Variants in PUDP observed in about 807,000 individuals in gnomAD.
PUDP encodes pseudouridine 5'-phosphatase.
In PUDP, 8 loss-of-function variants were observed where a neutral mutation model predicts 9.4. The ratio of observed to expected loss-of-function variants is 0.85; its 90% confidence interval spans 0.50 to 1.53. The LOEUF (loss-of-function observed/expected upper bound fraction) is 1.53, where lower values mean the gene tolerates loss of function less well. Ranked by LOEUF, PUDP falls within the 40% of genes most tolerant of loss-of-function variation. The pLI, the probability that PUDP is intolerant of heterozygous loss-of-function variation, is 0.00. For missense variants in PUDP, 188 were observed against 189.7 expected, an observed-to-expected ratio of 0.99 and a Z score of 0.05; for synonymous variants, 99 against 80.7, an observed-to-expected ratio of 1.23 and a Z score of -1.22.
chrX:6,991,743 AT>A (rs1929181874), intron 1 of PUDP, among the ~76,000 whole-genome samples: 1 of 110,178 alleles, frequency 9.1e-6, no homozygotes, highest in Non-Finnish European at 1.9e-5. Context: ...AAGTCCCATT[AT>A]TTTCCCCATT....
At chrX:6,720,244 A>ATG (rs755475547) in intron 1 of PUDP, among the ~76,000 whole-genome samples, 909 of 63,564 alleles carry the variant, frequency 0.014, 13 homozygotes, top group South Asian at 0.039. Context: ...GTATATATGT[A>ATG]TGTGTGTGTG....
intron 1 of PUDP, among the ~76,000 whole-genome samples, chrX:6,713,663 G>T: frequency 9.0e-6 from 1 of 111,053 alleles, no homozygotes; most frequent in South Asian, 3.8e-4. Context: ...TATCTCCCAG[G>T]AGAGGCCACA....
At chrX:6,832,010 C>T (rs1926511319) in intron 3 of PUDP, among the ~76,000 whole-genome samples, 1 of 111,761 alleles carries the variant, frequency 8.9e-6, no homozygotes, top group Admixed American at 9.5e-5. Context: ...CAGACAAAGA[C>T]TCTCAAAATG....
chrX:6,904,552 C>A (rs1927740204), intron 3 of PUDP, among the ~76,000 whole-genome samples: 1 of 111,268 alleles, frequency 9.0e-6, no homozygotes, highest in Non-Finnish European at 1.9e-5. Flanking sequence ...CTGTCTCCAC[C>A]ACCAGGCTCA....
At chrX:6,836,331 T>G (rs1220944622) in intron 3 of PUDP, among the ~76,000 whole-genome samples, 1 of 111,988 alleles carries the variant, frequency 8.9e-6, no homozygotes, top group Non-Finnish European at 1.9e-5. Flanking sequence ...CAATTTATCA[T>G]GTCATAGTTC....
rs764416464 is a variant in PUDP, at chrX:7,127,084, A to G, written c.61+20969T>C. On this transcript the variant is annotated intron_variant, in intron 1 of 3. Transcript: ENST00000381077. ...GTGTACCTCTGGTACCCAAAGTAGC[A>G]AAGTGGGAATTATATTGACAAAAGG... 5.4e-5 allele frequency among the ~76,000 whole-genome samples: 6 copies of G among 112,015 alleles called. No homozygotes were observed. The Admixed American group carries it at 5.7e-4, about 11-fold the overall frequency.
rs183095712 is a variant in PUDP at position 7,105,828 on chromosome X, C to T, written c.72G>A (p.Arg24=). 2 of 1,184,228 alleles carry T rather than the reference C, an allele frequency of 1.7e-6. No individual in the cohort carries two copies. Among genetic ancestry groups the T allele is most frequent in the African/African-American group, 1.8e-5 (1 of 56,460 alleles). ...TTTCTTGAAACACCACTGAATACAG[C>T]CGTTCAGTATCTGCAGGAAAAAAAA... ...DMDGLLLDTE[R]LYSVVFQEIC... The change falls in exon 2 of 4, where the codon CGG becomes CGA. Residue 24 remains arginine (R), a synonymous_variant. Transcript: ENST00000381077.
chrX:7,033,573 T>C (rs940529629), intron 1 of PUDP, among the ~76,000 whole-genome samples: 7 of 112,118 alleles, frequency 6.2e-5, no homozygotes, highest in African/African-American at 2.3e-4. Flanking sequence ...GTTGAGCATG[T>C]CCTATGTGGC....
At chrX:6,715,686 C>T (rs1380945343) in intron 1 of PUDP, among the ~76,000 whole-genome samples, 1 of 112,159 alleles carries the variant, frequency 8.9e-6, no homozygotes, top group African/African-American at 3.2e-5. Context: ...AGACAGAGGA[C>T]TCAGGACGAA....
At chrX:7,091,046 G>A (rs1004608821) in intron 2 of PUDP, among the ~76,000 whole-genome samples, 1 of 112,055 alleles carries the variant, frequency 8.9e-6, no homozygotes, top group African/African-American at 3.2e-5. Flanking sequence ...GAAAGAAGTG[G>A]CACTGAACAC....
intron 3 of PUDP, among the ~76,000 whole-genome samples, chrX:6,944,261 C>T (rs1928435102): frequency 9.0e-6 from 1 of 111,603 alleles, no homozygotes; most frequent in Non-Finnish European, 1.9e-5. Flanking sequence ...AAGTTGCTTG[C>T]TTCCTCTTTG....
intron 1 of PUDP, among the ~76,000 whole-genome samples, chrX:6,992,342 G>A (rs1380940872): frequency 2.7e-5 from 2 of 73,959 alleles, no homozygotes; most frequent in African/African-American, 9.4e-5. Context: ...GCGCAATCTC[G>A]GCTCACTGCA....
intron 3 of PUDP, among the ~76,000 whole-genome samples, chrX:6,838,073 T>C (rs1043586160): frequency 7.1e-5 from 8 of 111,949 alleles, no homozygotes; most frequent in African/African-American, 2.6e-4. Flanking sequence ...CAGAGATCCA[T>C]GTGAATCAGA....
chrX:6,800,748 C>G (rs185931266), intron 3 of PUDP, among the ~76,000 whole-genome samples: 256 of 111,903 alleles, frequency 2.3e-3, no homozygotes, highest in Non-Finnish European at 3.7e-3. Context: ...GATCGATATT[C>G]ACAACTCAAG....
chrX:7,024,178 T>C lies in PUDP; in HGVS notation c.205-45835A>G, dbSNP rs1929673198. Among the ~76,000 whole-genome samples the C allele has an allele frequency of 2.7e-5, 3 of 112,094 alleles. No homozygotes were observed. In the South Asian group the frequency reaches 1.1e-3, roughly 42 times the overall value. On this transcript the variant is annotated intron_variant and NMD_transcript_variant, in intron 1 of 3. Transcript: ENST00000655425. ...TCTTTTCTAATCTGAGTGCCTTCTG[T>C]TTATTTTTATTTTATTACTGCACTG...
chrX:6,759,475 A>G (rs1286409383), intron 3 of PUDP, among the ~76,000 whole-genome samples: 1 of 111,494 alleles, frequency 9.0e-6, no homozygotes, highest in African/African-American at 3.3e-5. Context: ...GGGACCATAT[A>G]ATCTTTGGCT....
At chrX:7,099,955 C>T (rs996321671) in intron 2 of PUDP, among the ~76,000 whole-genome samples, 4 of 108,905 alleles carry the variant, frequency 3.7e-5, no homozygotes, top group Admixed American at 1.9e-4. Context: ...GACACACTCC[C>T]GCAGCATAAT....
chrX:7,021,140 C>T (rs1304494086), intron 1 of PUDP, among the ~76,000 whole-genome samples: 1 of 112,373 alleles, frequency 8.9e-6, no homozygotes, highest in African/African-American at 3.2e-5. Flanking sequence ...TGGCCAGTAT[C>T]TTATCTTTTC....
At position 7,076,547 on chromosome X, in the gene PUDP, G is replaced by A. The variant is rs531560428; in HGVS notation, c.510+673C>T. Among the ~76,000 whole-genome samples the A allele has an allele frequency of 7.6e-4, 85 of 111,699 alleles. 1 individual carries two copies. The highest frequency in any genetic ancestry group is 2.2e-3 in the African/African-American group (68 of 30,732). On this transcript the variant is annotated intron_variant, in intron 3 of 3. Coordinates refer to ENST00000381077, the MANE Select transcript of PUDP (RefSeq NM_012080.5). ...CCAGGCCCAGCCACCACAAGCGGTC[G>A]GCTCTCTAAACGCTCTGCCCAGGTC...
Sources: gnomAD v4.1 joint callset for allele counts (sites outside exome capture counted in the v4.1 genomes callset) on GRCh38, gnomAD v4.1.1 for gene constraint, MANE v1.5 for transcripts, NCBI Gene and HGNC (gene_info 2026-07-23, HGNC 2026-07-21) for gene names.